Variants in SLC17A5 observed in about 807,000 individuals in gnomAD.
SLC17A5 encodes the protein solute carrier family 17 member 5.
A neutral mutation model predicts 59.4 loss-of-function variants in SLC17A5; 47 were observed. The ratio of observed to expected loss-of-function variants is 0.79; its 90% CI spans 0.63 to 1.01. The LOEUF (loss-of-function observed/expected upper bound fraction) is 1.01. Ranked by LOEUF, SLC17A5 falls within the 50% of genes least tolerant of loss-of-function variation. The probability of loss-of-function intolerance (pLI) is 0.00; values close to 1 mark genes in which losing one functional copy is unlikely to be tolerated. For synonymous variants in SLC17A5, 202 were observed against 210.7 expected (o/e 0.96, Z 0.36); for missense variants, 522 against 595.5 (o/e 0.88, Z 1.28).
At chr6:73,605,624 G>C (rs2351120) in intron 9 of SLC17A5, among the ~76,000 whole-genome samples, 1 of 143,432 alleles carries the variant, frequency 7.0e-6, no homozygotes, top group Non-Finnish European at 1.5e-5. Context: ...AGAACTGCAA[G>C]GTTTAAACAC....
At chr6:73,635,125 G>C (rs1768935263) in intron 6 of SLC17A5, 1 of 230,498 alleles carries the variant, frequency 4.3e-6, no homozygotes, top group African/African-American at 2.3e-5. Flanking sequence ...GTTTTGTAGA[G>C]AAAGGGTCTC....
chr6:73,597,551 G>C (rs567332554), intron 10 of SLC17A5, among the ~76,000 whole-genome samples: 1 of 152,148 alleles, frequency 6.6e-6, no homozygotes, highest in Non-Finnish European at 1.5e-5. Flanking sequence ...TTGGGAGGCC[G>C]AGGTAGGTGG....
chr6:73,607,282 ATTT>A (rs71000137), intron 9 of SLC17A5, among the ~76,000 whole-genome samples: 17 of 143,980 alleles, frequency 1.2e-4, no homozygotes, highest in African/African-American at 3.8e-4. Context: ...CAATAGCACT[ATTT>A]TTTTTTTTTT....
At position 73,638,381 on chromosome 6, in the gene SLC17A5, T is replaced by A. The variant is rs117083528; in HGVS notation, c.613+31A>T. The stretch of plus-strand genomic sequence containing the variant: ...CAAAGGTTGATATATACATAACATA[T>A]TACAGCAAAATTTGGTAATTGTTAT... On this transcript the variant is annotated intron_variant, in intron 4 of 10. Transcript: ENST00000355773. The A allele has an allele frequency of 7.9e-5, 121 of 1,533,990 alleles. No homozygotes were observed. In the East Asian group the frequency reaches 2.7e-3, roughly 34 times the overall value.
At chr6:73,602,494 G>A (rs1445289117) in intron 9 of SLC17A5, among the ~76,000 whole-genome samples, 4 of 151,950 alleles carry the variant, frequency 2.6e-5, no homozygotes, top group African/African-American at 7.3e-5. Context: ...TTAGAGGAAG[G>A]CTGGGCGCGG....
chr6:73,653,501 C>T, intron 1 of SLC17A5: 1 of 912,216 alleles, frequency 1.1e-6, no homozygotes, highest in Non-Finnish European at 1.3e-6. Context: ...CCGCCGCTCC[C>T]CCGCCCCCGC....
chr6:73,613,840 T>G (rs1338417316), intron 8 of SLC17A5, among the ~76,000 whole-genome samples: 2 of 152,280 alleles, frequency 1.3e-5, no homozygotes, highest in Middle Eastern at 3.4e-3. Context: ...GGCTGGGGGC[T>G]GGGTGTGGTG....
At chr6:73,642,771 A>G (rs997190588) in intron 2 of SLC17A5, among the ~76,000 whole-genome samples, 7 of 152,356 alleles carry the variant, frequency 4.6e-5, no homozygotes, top group Non-Finnish European at 1.0e-4. Flanking sequence ...TACTGCTGAT[A>G]TAAGGCAGAT....
chr6:73,621,016 A>ATTATTTTTT (rs1239470097), intron 7 of SLC17A5, among the ~76,000 whole-genome samples: 1 of 144,758 alleles, frequency 6.9e-6, no homozygotes, highest in Non-Finnish European at 1.5e-5. Flanking sequence ...TATTATTATT[A>ATTATTTTTT]TTTTTTGAGA....
chr6:73,643,611 G>C (rs1490296972), intron 2 of SLC17A5, among the ~76,000 whole-genome samples: 2 of 152,122 alleles, frequency 1.3e-5, no homozygotes, highest in East Asian at 3.9e-4. Flanking sequence ...TGAGTAGCTG[G>C]GATTATAGGT....
intron 3 of SLC17A5, among the ~76,000 whole-genome samples, chr6:73,638,781 G>T (rs1769143247): frequency 6.6e-6 from 1 of 151,590 alleles, no homozygotes; most frequent in African/African-American, 2.4e-5. Flanking sequence ...ATCAGCCTGG[G>T]TAACGTAGTG....
intron 4 of SLC17A5, among the ~76,000 whole-genome samples, chr6:73,637,797 A>G (rs1167996447): frequency 6.6e-6 from 1 of 152,166 alleles, no homozygotes; most frequent in African/African-American, 2.4e-5. Flanking sequence ...TGTATTTAAA[A>G]AGCAGTCCGG....
At chr6:73,650,699 A>AGTGTTTTTC (rs1396694873) in intron 1 of SLC17A5, among the ~76,000 whole-genome samples, 1 of 151,714 alleles carries the variant, frequency 6.6e-6, no homozygotes, top group Non-Finnish European at 1.5e-5. Flanking sequence ...TGAAAAAAAA[A>AGTGTTTTTC]AAAAAGAAAA....
At chr6:73,645,524 C>T in intron 1 of SLC17A5, 3 of 981,956 alleles carry the variant, frequency 3.1e-6, no homozygotes, top group South Asian at 9.4e-5. Flanking sequence ...CAGTGGCTCA[C>T]GCCTGTAATC....
chr6:73,616,404 A>C (rs974350429), intron 7 of SLC17A5, among the ~76,000 whole-genome samples: 2 of 151,928 alleles, frequency 1.3e-5, no homozygotes, highest in Non-Finnish European at 2.9e-5. Context: ...TGGCCATTAA[A>C]ATTTTTTTGA....
intron 10 of SLC17A5, 133 bp downstream of exon 10, chr6:73,600,218 A>G (rs1766992104): frequency 1.3e-6 from 1 of 744,242 alleles, no homozygotes; most frequent in African/African-American, 1.8e-5. Context: ...CCATTAAGGC[A>G]TTTAGCTTTT....
At chr6:73,617,300 G>GA (rs1383906811) in intron 7 of SLC17A5, among the ~76,000 whole-genome samples, 5 of 145,910 alleles carry the variant, frequency 3.4e-5, no homozygotes, top group African/African-American at 5.1e-5. Context: ...GTCTCAGAAA[G>GA]AAAAAAAACA....
At chr6:73,603,332 C>T (rs1433076916) in intron 9 of SLC17A5, among the ~76,000 whole-genome samples, 1 of 152,098 alleles carries the variant, frequency 6.6e-6, no homozygotes, top group Non-Finnish European at 1.5e-5. Flanking sequence ...GATCCACCTG[C>T]CTCAGCCTCC....
intron 8 of SLC17A5, 111 bp downstream of exon 8, chr6:73,615,204 T>C (rs1352867254): frequency 6.6e-6 from 8 of 1,207,638 alleles, no homozygotes; most frequent in Admixed American, 1.8e-5. Context: ...GTGTTGAGTA[T>C]TGTGTTAACT....
Sources: allele counts gnomAD v4.1 joint callset (sites outside exome capture counted in the v4.1 genomes callset), GRCh38; gene constraint gnomAD v4.1.1; transcripts MANE v1.5; gene names NCBI Gene and HGNC (gene_info 2026-07-23, HGNC 2026-07-21).